Variants in RICTOR observed in about 807,000 individuals in gnomAD.
The protein encoded by RICTOR is RPTOR independent companion of MTOR complex 2.
In RICTOR, 49 loss-of-function variants were observed where a neutral mutation model predicts 214.9. That is an observed-to-expected ratio of 0.23 (90% CI 0.18 to 0.29). The LOEUF (loss-of-function observed/expected upper bound fraction) is 0.29, where lower values mean the gene tolerates loss of function less well. Among genes scored for constraint, RICTOR ranks in the 10% least tolerant of loss-of-function variants. RICTOR has a pLI of 1.00. For synonymous variants in RICTOR, 717 were observed against 711.3 expected (o/e 1.01, Z -0.13); for missense variants, 1,625 against 2,047.0 (o/e 0.79, Z 3.98).
intron 5 of RICTOR, 26 bp from the exon 6 acceptor site, chr5:38,996,908 A>T: frequency 6.5e-7 from 1 of 1,538,060 alleles, no homozygotes; most frequent in Non-Finnish European, 9.0e-7. Context: ...AATATTAATC[A>T]TTGATAAAAT....
At chr5:38,987,366 G>T (rs534161734) in intron 7 of RICTOR, among the ~76,000 whole-genome samples, 1 of 152,174 alleles carries the variant, frequency 6.6e-6, no homozygotes, top group South Asian at 2.1e-4. Context: ...GCTTTTTTTG[G>T]TTGGTAGACT....
intron 8 of RICTOR, 33 bp downstream of exon 8, chr5:38,981,834 T>C (rs771964591): frequency 1.4e-6 from 2 of 1,457,916 alleles, no homozygotes; most frequent in Non-Finnish European, 1.9e-6. Context: ...ATAATAATAT[T>C]TTAAAACTAG....
At chr5:38,959,400 C>G (rs1349877260) in intron 21 of RICTOR, 79 bp from the exon 22 acceptor site, 1 of 819,184 alleles carries the variant, frequency 1.2e-6, no homozygotes, top group Non-Finnish European at 1.9e-6. Flanking sequence ...TTTTTTCCAG[C>G]TTTACTGAAG....
Position 38,950,263 on chromosome 5 carries a change from T to C in RICTOR, c.3585A>G (p.Arg1195=). 6.2e-7 allele frequency: 1 copy of C among 1,613,640 alleles called. No homozygotes were observed. The highest frequency in any genetic ancestry group is 1.1e-5 in the South Asian group (1 of 91,070). The stretch of plus-strand genomic sequence containing the variant: ...CTAACCTCTCTCGGCTTGTATTTTC[T>C]CTGTGATTCTCTGTACCAAAATTCT... The part of the protein sequence containing the change: ...FTKNFGTENH[R]ENTSRERLVV... Residue 1195 remains arginine (R), a synonymous_variant, in exon 31 of 38, where the codon AGA becomes AGG. Coordinates refer to ENST00000357387, the MANE Select transcript of RICTOR (RefSeq NM_152756.5).
At chr5:39,045,154 A>T (rs1410729068) in intron 2 of RICTOR, among the ~76,000 whole-genome samples, 1 of 152,208 alleles carries the variant, frequency 6.6e-6, no homozygotes, top group Non-Finnish European at 1.5e-5. Context: ...TAGACAACTG[A>T]ACCAAATTCA....
intron 9 of RICTOR, among the ~76,000 whole-genome samples, 162 bp from the exon 10 acceptor site, chr5:38,975,766 C>A (rs1336530489): frequency 1.3e-5 from 2 of 152,182 alleles, no homozygotes; most frequent in Non-Finnish European, 2.9e-5. Context: ...AGCAAATTAG[C>A]CAATTATAAA....
intron 3 of RICTOR, among the ~76,000 whole-genome samples, chr5:39,019,657 T>C (rs1438019520): frequency 6.6e-6 from 1 of 152,202 alleles, no homozygotes; most frequent in African/African-American, 2.4e-5. Flanking sequence ...ACAATGCACC[T>C]AGTCACCCAA....
In RICTOR at chr5:38,958,785, G is replaced by A; in HGVS notation, c.2225C>T (p.Ala742Val). 1 of 1,608,952 alleles carries A rather than the reference G, an allele frequency of 6.2e-7. No homozygotes were observed. The highest frequency in any genetic ancestry group is 8.5e-7 in the Non-Finnish European group (1 of 1,176,946). ...ATKHLRVLLR[A>V]NVEFFNNWGI... is the part of the protein sequence containing the mutation. ...CCAATTATTAAAGAATTCAACATTAGCTCTCAATAATACCCTTAAATGTTT... is the reference window on the plus strand; with the variant it reads ...CCAATTATTAAAGAATTCAACATTAACTCTCAATAATACCCTTAAATGTTT... Residue 742 changes from alanine to valine, a missense_variant, in exon 23 of 38, where the codon GCT (alanine) becomes GTT (valine). By Grantham distance (64) the Ala-to-Val change is moderately conservative (BLOSUM62 0). Transcript: ENST00000357387.
intron 2 of RICTOR, among the ~76,000 whole-genome samples, chr5:39,039,312 A>C (rs929647123): frequency 2.0e-5 from 3 of 152,170 alleles, no homozygotes; most frequent in African/African-American, 7.2e-5. Flanking sequence ...TACAAAAATT[A>C]ATTCAACATG....
intron 8 of RICTOR, chr5:38,981,169 ACAAT>A (rs1751689438): frequency 6.6e-6 from 1 of 152,200 alleles, no homozygotes; most frequent in East Asian, 1.9e-4. Flanking sequence ...AAATTAGGGG[ACAAT>A]CAATCTTTTA....
chr5:39,020,122 T>C (rs1388223846), intron 3 of RICTOR, among the ~76,000 whole-genome samples: 3 of 152,038 alleles, frequency 2.0e-5, no homozygotes. Context: ...GGATAAGGAG[T>C]TCCCTCTTAT....
chr5:38,982,422 C>T (rs1751784507), intron 7 of RICTOR, among the ~76,000 whole-genome samples: 1 of 152,094 alleles, frequency 6.6e-6, no homozygotes, highest in South Asian at 2.1e-4. Flanking sequence ...TTTTATTAAA[C>T]ACACACATAG....
intron 5 of RICTOR, among the ~76,000 whole-genome samples, chr5:38,999,679 G>C (rs1016824570): frequency 6.6e-6 from 1 of 151,914 alleles, no homozygotes; most frequent in Non-Finnish European, 1.5e-5. Flanking sequence ...CAAATACCAA[G>C]ATAGCAAACA....
Position 39,002,774 on chromosome 5 carries a change from T to C in RICTOR, c.261-108A>G, listed in dbSNP as rs548576103. The C allele has an allele frequency of 4.7e-4, 506 of 1,065,728 alleles. No homozygotes were observed. In the African/African-American group the frequency reaches 7.3e-3, roughly 15 times the overall value. 66.0% of individuals were successfully genotyped at this position (1,065,728 alleles called of 1,614,324 possible). ...CCAAAATATGCAAAAATTCTAGTCA[T>C]GCACAGAATTCTAAGAGCATTCTAC... is the stretch of plus-strand genomic sequence containing the variant. On this transcript the variant is annotated intron_variant, in intron 4 of 37. Transcript: ENST00000357387.
chr5:38,980,770 C>A (rs114068571), intron 8 of RICTOR: 1 of 152,114 alleles, frequency 6.6e-6, no homozygotes, highest in South Asian at 2.1e-4. Context: ...CGATTGAGTG[C>A]GGGAGGTCCA....
chr5:38,985,120 T>C (rs1048210643), intron 7 of RICTOR, among the ~76,000 whole-genome samples: 1 of 152,164 alleles, frequency 6.6e-6, no homozygotes, highest in Non-Finnish European at 1.5e-5. Flanking sequence ...CTAAAATATG[T>C]TGCTTAGCCA....
At chr5:39,021,410 C>A (rs981045818) in intron 2 of RICTOR, among the ~76,000 whole-genome samples, 1 of 152,080 alleles carries the variant, frequency 6.6e-6, no homozygotes, top group Non-Finnish European at 1.5e-5. Flanking sequence ...TGAATGTGTT[C>A]CCCCCAAAGT....
At chr5:38,972,774 A>T (rs1176107060) in intron 10 of RICTOR, among the ~76,000 whole-genome samples, 5 of 152,020 alleles carry the variant, frequency 3.3e-5, no homozygotes, top group Admixed American at 3.3e-4. Flanking sequence ...AGAGAAATGA[A>T]AACTCATGTC....
In RICTOR at chr5:39,008,841, G is replaced by A. The variant is rs545832587; in HGVS notation, c.196-5219C>T. On this transcript the variant is annotated intron_variant, in intron 3 of 37. Transcript: ENST00000357387. ...TTCAGAATACTAGCATTATCACTATGTGGTACCATACATGAGTAAGAAAGA... is the reference window on the plus strand; with the variant it reads ...TTCAGAATACTAGCATTATCACTATATGGTACCATACATGAGTAAGAAAGA... Among the ~76,000 whole-genome samples the A allele has an allele frequency of 5.3e-5, 8 of 151,916 alleles. No individual in the cohort carries two copies. In the South Asian group the frequency reaches 1.7e-3, roughly 31 times the overall value.
Sources: allele counts gnomAD v4.1 joint callset (sites outside exome capture counted in the v4.1 genomes callset), GRCh38; gene constraint gnomAD v4.1.1; transcripts MANE v1.5; gene names NCBI Gene and HGNC (gene_info 2026-07-23, HGNC 2026-07-21).